Variants in PCDHA10 observed in about 807,000 individuals in gnomAD.
PCDHA10 encodes the protein protocadherin alpha 10.
PCDHA10 carries 45 observed loss-of-function variants against 61.2 expected under a neutral mutation model. The observed-to-expected ratio is 0.74, with a 90% CI of 0.58 to 0.94. The LOEUF (loss-of-function observed/expected upper bound fraction) is 0.94, where lower values mean the gene tolerates loss of function less well. Among genes scored for constraint, PCDHA10 ranks in the 40% least tolerant of loss-of-function variants. PCDHA10 has a pLI of 0.00. For synonymous variants in PCDHA10, 602 were observed against 548.8 expected (o/e 1.10, Z -1.35); for missense variants, 1,278 against 1,236.2 (o/e 1.03, Z -0.51).
At chr5:140,910,451 G>A (rs2075030507) in intron 1 of PCDHA10, among the ~76,000 whole-genome samples, 1 of 152,190 alleles carries the variant, frequency 6.6e-6, no homozygotes. Flanking sequence ...GTAGTTGAGT[G>A]ACTGTGGTTC....
chr5:140,919,867 G>A (rs2079334985), intron 1 of PCDHA10, among the ~76,000 whole-genome samples: 1 of 152,178 alleles, frequency 6.6e-6, no homozygotes, highest in Non-Finnish European at 1.5e-5. Context: ...TTGGAAATAA[G>A]TCTTTGAAGA....
chr5:140,876,728 C>T (rs200398819), intron 1 of PCDHA10: 11 of 1,614,128 alleles, frequency 6.8e-6, no homozygotes, highest in African/African-American at 1.3e-5. Context: ...GAGAGCGTGT[C>T]GGCCTATGAG....
chr5:140,870,145 G>A, intron 1 of PCDHA10: 1 of 1,614,088 alleles, frequency 6.2e-7, no homozygotes, highest in Non-Finnish European at 8.5e-7. Context: ...TAACTCTCCT[G>A]AAGTCGCCGT....
At chr5:140,962,625 A>C (rs2095697493) in intron 1 of PCDHA10, among the ~76,000 whole-genome samples, 1 of 152,228 alleles carries the variant, frequency 6.6e-6, no homozygotes, top group Non-Finnish European at 1.5e-5. Context: ...GAGATGTGAA[A>C]AAATTTAGCC....
At chr5:140,964,118 C>G (rs1325218833) in intron 1 of PCDHA10, among the ~76,000 whole-genome samples, 1 of 151,942 alleles carries the variant, frequency 6.6e-6, no homozygotes, top group African/African-American at 2.4e-5. Flanking sequence ...CAATCACATT[C>G]TAACAACTAG....
At chr5:140,863,489 C>T (rs1032120656) in intron 1 of PCDHA10, 20 of 450,876 alleles carry the variant, frequency 4.4e-5, no homozygotes, top group Non-Finnish European at 8.4e-5. Context: ...CCAAGGTCAA[C>T]ATTACGGCTT....
intron 1 of PCDHA10, chr5:140,927,653 G>T: frequency 6.2e-7 from 1 of 1,614,190 alleles, no homozygotes; most frequent in Non-Finnish European, 8.5e-7. Context: ...GTGTTATTCC[G>T]AGTTCAAGCC....
intron 1 of PCDHA10, chr5:140,870,006 G>A (rs1554163702): frequency 1.2e-6 from 2 of 1,613,604 alleles, no homozygotes; most frequent in Non-Finnish European, 1.7e-6. Flanking sequence ...ATGGAGAAGT[G>A]AGGGTCAATG....
At chr5:140,974,808 G>A (rs1229375180) in intron 1 of PCDHA10, among the ~76,000 whole-genome samples, 1 of 152,090 alleles carries the variant, frequency 6.6e-6, no homozygotes, top group Non-Finnish European at 1.5e-5. Context: ...TATACTAGAA[G>A]ACCAATATGC....
intron 1 of PCDHA10, among the ~76,000 whole-genome samples, chr5:140,939,502 T>A (rs781895675): frequency 2.7e-5 from 4 of 150,818 alleles, no homozygotes; most frequent in Non-Finnish European, 5.9e-5. Flanking sequence ...AAATTCAATG[T>A]CTATAACATT....
At chr5:140,871,140 C>T (rs939950931) in intron 1 of PCDHA10, 2 of 1,613,336 alleles carry the variant, frequency 1.2e-6, no homozygotes, top group Non-Finnish European at 8.5e-7. Context: ...AGGCCTCTTC[C>T]CGGACTTTGG....
chr5:140,984,325 G>C (rs2097097043), intron 3 of PCDHA10, among the ~76,000 whole-genome samples: 1 of 152,168 alleles, frequency 6.6e-6, no homozygotes, highest in Admixed American at 6.5e-5. Flanking sequence ...CTAGGCAAAT[G>C]TGGAATAGGA....
chr5:140,877,706 T>TG (rs781796819), intron 1 of PCDHA10: 16 of 1,613,800 alleles, frequency 9.9e-6, no homozygotes, highest in Non-Finnish European at 1.4e-5. Context: ...TCCAGCGCCG[T>TG]GGGGAGTTGG....
intron 1 of PCDHA10, among the ~76,000 whole-genome samples, chr5:140,975,757 A>G (rs779490429): frequency 6.6e-5 from 10 of 152,234 alleles, no homozygotes; most frequent in South Asian, 2.1e-4. Flanking sequence ...ATTCTATGTC[A>G]TAAATCACAG....
intron 1 of PCDHA10, among the ~76,000 whole-genome samples, chr5:140,906,351 C>A (rs966982758): frequency 3.9e-5 from 6 of 152,128 alleles, no homozygotes; most frequent in Non-Finnish European, 5.9e-5. Context: ...CAAGAATGCA[C>A]CAATTCCCAA....
In PCDHA10 at chr5:140,857,587, C is replaced by T; in HGVS notation, c.1539C>T (p.Ser513=). ...GCTACGTGTCGGTGCACGCGGAGAG[C>T]GGCAAGGTGTACGCGCTGCAGCCGC... ...LSSYVSVHAE[S]GKVYALQPLD... is the part of the protein sequence containing the mutation. Residue 513 remains serine, a synonymous_variant, in exon 1 of 4, where the codon AGC becomes AGT. Transcript: ENST00000307360. The T allele has an allele frequency of 1.3e-6, 2 of 1,596,526 alleles. No homozygotes were observed. Among genetic ancestry groups the T allele is most frequent in the South Asian group, 2.2e-5 (2 of 90,494 alleles).
intron 1 of PCDHA10, among the ~76,000 whole-genome samples, chr5:140,891,819 G>A (rs1282245838): frequency 6.6e-6 from 1 of 152,216 alleles, no homozygotes. Flanking sequence ...ATAAATTAAC[G>A]GCACTGTAAA....
At chr5:140,912,908 A>T (rs986770915) in intron 1 of PCDHA10, among the ~76,000 whole-genome samples, 8 of 152,188 alleles carry the variant, frequency 5.3e-5, no homozygotes, top group African/African-American at 1.9e-4. Flanking sequence ...TATCATATTG[A>T]TTGATTTGTG....
intron 1 of PCDHA10, chr5:140,969,335 A>G (rs782267073): frequency 1.2e-6 from 2 of 1,614,012 alleles, no homozygotes; most frequent in Admixed American, 3.3e-5. Context: ...AAATGAGGTG[A>G]GACAGTGGTC....
Sources: allele counts gnomAD v4.1 joint callset (sites outside exome capture counted in the v4.1 genomes callset), GRCh38; gene constraint gnomAD v4.1.1; transcripts MANE v1.5; gene names NCBI Gene and HGNC (gene_info 2026-07-23, HGNC 2026-07-21).